ARHGEF4: variants seen among roughly 807,000 people sequenced by gnomAD.
ARHGEF4 encodes the protein APC-stimulated guanine nucleotide exchange factor 1.
ARHGEF4 carries 119 observed loss-of-function variants against 162.0 expected under a neutral mutation model. The observed-to-expected ratio is 0.73, with a 90% confidence interval of 0.63 to 0.86. The LOEUF (loss-of-function observed/expected upper bound fraction) is 0.86. Among genes scored for constraint, ARHGEF4 ranks in the 40% least tolerant of loss-of-function variants. The pLI is 0.00. For synonymous variants in ARHGEF4, 1,014 were observed against 979.9 expected, an observed-to-expected ratio of 1.03 and a Z score of -0.65; for missense variants, 2,488 against 2,456.0, an observed-to-expected ratio of 1.01 and a Z score of -0.28.
intron 4 of ARHGEF4, among the ~76,000 whole-genome samples, chr2:130,955,126 T>G (rs1215742150): frequency 6.6e-6 from 1 of 152,228 alleles, no homozygotes; most frequent in Non-Finnish European, 1.5e-5. Flanking sequence ...AGAATTTCCT[T>G]TTTTAAAAGA....
intron 6 of ARHGEF4, chr2:131,039,693 C>A: frequency 8.0e-7 from 1 of 1,251,884 alleles, no homozygotes; most frequent in South Asian, 2.2e-5. Flanking sequence ...TGCTTCTGCC[C>A]GCTGGGGCTG....
chr2:130,916,094 G>A lies in ARHGEF4; in HGVS notation c.2148G>A (p.Val716=). 6.5e-7 allele frequency: 1 copy of A among 1,550,182 alleles called. No individual in the cohort carries two copies. The highest frequency in any genetic ancestry group is 8.7e-7 in the Non-Finnish European group (1 of 1,146,930). The change falls in exon 2 of 14, where the codon GTG becomes GTA. Residue 716 remains valine (V), a synonymous_variant. Coordinates refer to ENST00000409359, the MANE Select transcript of ARHGEF4 (RefSeq NM_001367493.1). The part of the protein sequence containing the change: ...RVAQAAELGR[V]LVPQAASEET... Reference sequence around the variant, plus strand: ...CCCAGGCCGCAGAGCTTGGGAGAGTGCTGGTCCCCCAAGCTGCTTCGGAAG... The same window carrying A: ...CCCAGGCCGCAGAGCTTGGGAGAGTACTGGTCCCCCAAGCTGCTTCGGAAG...
intron 4 of ARHGEF4, among the ~76,000 whole-genome samples, chr2:130,993,147 A>G (rs866511747): frequency 6.6e-6 from 1 of 152,204 alleles, no homozygotes; most frequent in Non-Finnish European, 1.5e-5. Context: ...CTAAGGCTAT[A>G]TATTTTCCTC....
At chr2:130,866,800 A>G (rs1682309499) in intron 1 of ARHGEF4, among the ~76,000 whole-genome samples, 1 of 152,176 alleles carries the variant, frequency 6.6e-6, no homozygotes, top group African/African-American at 2.4e-5. Flanking sequence ...GGATTTTTGC[A>G]TCTGTGTTTA....
rs752529466 is a variant in ARHGEF4 at position 131,040,319 on chromosome 2, C to T, written c.4541C>T (p.Thr1514Ile). ...ADMFSEEQLR[T>I]IFGNIEDIYR... ...ATGTTCAGCGAGGAGCAGCTGCGTA[C>T]CATCTTCGGGAACATCGAGGACATC... is the stretch of plus-strand genomic sequence containing the variant. The change falls in exon 8 of 14, where the codon ACC (threonine) becomes ATC (isoleucine). Residue 1514 changes from threonine (T) to isoleucine (I), a missense_variant. Coordinates refer to ENST00000409359, the MANE Select transcript of ARHGEF4 (RefSeq NM_001367493.1). 6 of 1,612,912 alleles carry T rather than the reference C, an allele frequency of 3.7e-6. No individual in the cohort carries two copies. The highest frequency in any genetic ancestry group is 8.5e-7 in the Non-Finnish European group (1 of 1,179,812).
At chr2:130,887,830 G>T (rs867363154) in intron 1 of ARHGEF4, among the ~76,000 whole-genome samples, 35 of 152,230 alleles carry the variant, frequency 2.3e-4, no homozygotes, top group African/African-American at 7.7e-4. Flanking sequence ...CCTCCACTGT[G>T]CTGGGAAGGA....
intron 1 of ARHGEF4, among the ~76,000 whole-genome samples, chr2:130,846,702 G>A (rs1359767997): frequency 1.3e-5 from 2 of 152,192 alleles, no homozygotes; most frequent in African/African-American, 4.8e-5. Context: ...AGCAGAAGGA[G>A]GAAGGAAGCC....
At chr2:130,956,297 A>G (rs912023317) in intron 4 of ARHGEF4, among the ~76,000 whole-genome samples, 2 of 152,138 alleles carry the variant, frequency 1.3e-5, no homozygotes, top group Non-Finnish European at 2.9e-5. Context: ...TTAGAATGGC[A>G]ATCATTAAAT....
In ARHGEF4 at chr2:131,007,800, C is replaced by CTTT. The variant is rs70994731; in HGVS notation, c.3986-20119_3986-20117dup. On this transcript the variant is annotated intron_variant, in intron 4 of 13. Transcript: ENST00000409359. ...TAAAGCTAAATTATTCTTTTCTTTT[C>CTTT]TTTTTTTTTTTTTTTTTTTTTTTTT... is the stretch of plus-strand genomic sequence containing the variant. Among the ~76,000 whole-genome samples the CTTT allele has an allele frequency of 2.8e-3, 154 of 55,920 alleles. 7 individuals carry two copies. Among genetic ancestry groups the CTTT allele is most frequent in the East Asian group, 8.1e-3 (14 of 1,722 alleles). 36.7% of individuals were successfully genotyped at this position (55,920 alleles called of 152,430 possible). A position where few individuals can be genotyped will look rare whatever the true frequency, so the allele number is the denominator to read the frequency against.
intron 4 of ARHGEF4, among the ~76,000 whole-genome samples, chr2:130,974,659 G>A (rs1214554904): frequency 4.1e-5 from 6 of 147,640 alleles, no homozygotes; most frequent in Non-Finnish European, 7.4e-5. Context: ...ACAGGGTTTC[G>A]CTATGTTGCT....
intron 1 of ARHGEF4, among the ~76,000 whole-genome samples, chr2:130,838,074 T>C (rs1471866196): frequency 6.6e-6 from 1 of 152,184 alleles, no homozygotes; most frequent in Non-Finnish European, 1.5e-5. Flanking sequence ...ATCGCTGGCA[T>C]CAAGAGTGGA....
chr2:131,004,982 C>T (rs1412633352), intron 4 of ARHGEF4, among the ~76,000 whole-genome samples: 2 of 152,054 alleles, frequency 1.3e-5, no homozygotes, highest in Non-Finnish European at 2.9e-5. Flanking sequence ...TGGTTGGTGC[C>T]CTGGGGCTTT....
rs116105762 is a variant in ARHGEF4 at position 131,023,905 on chromosome 2, C to T, written c.3986-4040C>T. Among the ~76,000 whole-genome samples the T allele has an allele frequency of 6.4e-4, 98 of 152,256 alleles. 1 individual carries two copies. The highest frequency in any genetic ancestry group is 2.2e-3 in the African/African-American group (93 of 41,540). On this transcript the variant is annotated intron_variant, in intron 4 of 13. Coordinates refer to ENST00000409359, the MANE Select transcript of ARHGEF4 (RefSeq NM_001367493.1). The stretch of plus-strand genomic sequence containing the variant: ...GTTAAACCAACAGTGGCATGGAATG[C>T]CATGGAATTCCATGGAATGACATGG...
At chr2:130,936,051 G>A (rs1270683930) in intron 3 of ARHGEF4, among the ~76,000 whole-genome samples, 1 of 152,002 alleles carries the variant, frequency 6.6e-6, no homozygotes. Context: ...GGCAACGAGA[G>A]TGAAACTCCA....
intron 4 of ARHGEF4, among the ~76,000 whole-genome samples, chr2:131,004,814 T>G (rs1208714684): frequency 6.6e-6 from 1 of 152,224 alleles, no homozygotes; most frequent in East Asian, 1.9e-4. Context: ...TCTGCTGTTT[T>G]ATTTACTCCA....
intron 2 of ARHGEF4, chr2:130,929,906 T>TA (rs1682520789): frequency 6.6e-6 from 1 of 151,750 alleles, no homozygotes; most frequent in African/African-American, 2.4e-5. Flanking sequence ...TTCATTTTTT[T>TA]TTTTGAGACC....
At chr2:130,958,070 A>C (rs1455510657) in intron 4 of ARHGEF4, among the ~76,000 whole-genome samples, 1 of 151,728 alleles carries the variant, frequency 6.6e-6, no homozygotes, top group African/African-American at 2.4e-5. Flanking sequence ...CAGTATGCTC[A>C]GCTTGCCAAA....
intron 1 of ARHGEF4, among the ~76,000 whole-genome samples, chr2:130,841,405 C>G (rs564397148): frequency 1.4e-5 from 2 of 143,258 alleles, no homozygotes; most frequent in East Asian, 4.3e-4. Flanking sequence ...TCTATTAATA[C>G]TACACACATC....
intron 1 of ARHGEF4, 42 bp from the exon 2 acceptor site, chr2:130,913,944 A>C (rs1251387152): frequency 1.3e-6 from 2 of 1,534,872 alleles, no homozygotes; most frequent in Non-Finnish European, 1.7e-6. Flanking sequence ...GCACAGATGT[A>C]CTCAGGCCTT....
Sources: gnomAD v4.1 joint callset for allele counts (sites outside exome capture counted in the v4.1 genomes callset) on GRCh38, gnomAD v4.1.1 for gene constraint, MANE v1.5 for transcripts, NCBI Gene and HGNC (gene_info 2026-07-23, HGNC 2026-07-21) for gene names.